Variants in IGSF10 observed in about 807,000 individuals in gnomAD.
IGSF10 encodes the protein immunoglobulin superfamily member 10, also known as calvaria mechanical force protein 608.
IGSF10 carries 126 observed loss-of-function variants against 128.2 expected under a neutral mutation model. The observed-to-expected ratio is 0.98, with a 90% CI of 0.85 to 1.14. The LOEUF (loss-of-function observed/expected upper bound fraction) is 1.14, where lower values mean the gene tolerates loss of function less well. IGSF10 is among the 50% of genes most tolerant of loss of function. The pLI is 0.00. For missense variants in IGSF10, 3,295 were observed against 3,149.8 expected (o/e 1.05, Z -1.10); for synonymous variants, 1,185 against 1,146.2 (o/e 1.03, Z -0.68).
chr3:151,570,288 T>C, the IGSF10 span, among the ~76,000 whole-genome samples: 4 of 152,208 alleles, frequency 2.6e-5, no homozygotes, highest in African/African-American at 9.6e-5. Context: ...TTTCTAGTTC[T>C]AGATCCCTGA....
At chr3:151,507,626 C>T in the IGSF10 span, among the ~76,000 whole-genome samples, 6 of 151,948 alleles carry the variant, frequency 3.9e-5, no homozygotes, top group South Asian at 2.1e-4. Context: ...ATGGCAGGAA[C>T]GAGACAAGCA....
At position 151,458,705 on chromosome 3, in the gene IGSF10, T is replaced by C. The variant is rs1235101874; in HGVS notation, c.5A>G (p.Lys2Arg). The change falls in exon 3 of 8, where the codon AAG (lysine) becomes AGG (arginine). Residue 2 changes from lysine (K) to arginine (R), a missense_variant. Lys to Arg is a conservative substitution (Grantham distance 26). Coordinates refer to ENST00000282466, the MANE Select transcript of IGSF10 (RefSeq NM_178822.5). M[K>R]VKGRGITCLL... The stretch of plus-strand genomic sequence containing the variant: ...GCAGGTGATTCCTCTGCCTTTTACC[T>C]TCATCCTGAAAAAACATCATACCTC... 1.9e-6 allele frequency: 3 copies of C among 1,610,956 alleles called. No homozygotes were observed. In the Admixed American group the frequency reaches 5.1e-5, roughly 27 times the overall value.
chr3:151,453,792 G>C lies in IGSF10; in HGVS notation c.325-18C>G. ...TTTAAGACCTATGAATTAAAAAAAA[G>C]AACATATTTATGTTGTCAAAGGAAT... On this transcript the variant is annotated intron_variant, in intron 4 of 7. Transcript: ENST00000282466. 7.1e-7 allele frequency: 1 copy of C among 1,411,940 alleles called. No individual in the cohort carries two copies. The highest frequency in any genetic ancestry group is 1.8e-4 in the Middle Eastern group (1 of 5,432). 87.5% of individuals were successfully genotyped at this position (1,411,940 alleles called of 1,614,324 possible). A position where few individuals can be genotyped will look rare whatever the true frequency, so the allele number is the denominator to read the frequency against.
chr3:151,437,366 A>AAAT lies in IGSF10; in HGVS notation c.7192_7194dup (p.Ile2398dup). The AAAT allele has an allele frequency of 1.2e-6, 2 of 1,614,206 alleles. No homozygotes were observed. Among genetic ancestry groups the AAAT allele is most frequent in the Non-Finnish European group, 1.7e-6 (2 of 1,180,030 alleles). ...CCTGCATCCTCCCGAGTTGTTTTAG[A>AAAT]AATGATAAAAGAACCATTGCTTGCT... On this transcript the variant is annotated inframe_insertion, in exon 8 of 8. Coordinates refer to ENST00000282466, the MANE Select transcript of IGSF10 (RefSeq NM_178822.5).
chr3:151,485,459 A>G, the IGSF10 span, among the ~76,000 whole-genome samples: 1 of 152,214 alleles, frequency 6.6e-6, no homozygotes, highest in African/African-American at 2.4e-5. Context: ...AACACCACAA[A>G]GATACTCCTT....
the IGSF10 span, among the ~76,000 whole-genome samples, chr3:151,550,995 TG>T: frequency 6.6e-6 from 1 of 152,170 alleles, no homozygotes; most frequent in East Asian, 1.9e-4. Context: ...TGGACTTACC[TG>T]GGCCAGTCCT....
the IGSF10 span, among the ~76,000 whole-genome samples, chr3:151,525,946 A>C: frequency 1.0e-3 from 159 of 152,226 alleles, 1 homozygote; most frequent in African/African-American, 3.6e-3. Flanking sequence ...ACCCACACTC[A>C]AGGGGAGGGG....
At chr3:151,451,994 G>C (rs1423219117) in intron 5 of IGSF10, among the ~76,000 whole-genome samples, 1 of 152,154 alleles carries the variant, frequency 6.6e-6, no homozygotes, top group African/African-American at 2.4e-5. Context: ...CAGTGCAAAA[G>C]GATTGCCTAC....
the IGSF10 span, among the ~76,000 whole-genome samples, chr3:151,524,270 A>G: frequency 4.6e-5 from 7 of 152,126 alleles, no homozygotes; most frequent in Middle Eastern, 3.2e-3. Flanking sequence ...CCAGCAGTCT[A>G]TTACTGGGCA....
At chr3:151,507,879 G>T in the IGSF10 span, among the ~76,000 whole-genome samples, 3 of 151,946 alleles carry the variant, frequency 2.0e-5, no homozygotes, top group African/African-American at 7.3e-5. Context: ...TTTTTATATG[G>T]TATAAAGAAA....
the IGSF10 span, among the ~76,000 whole-genome samples, chr3:151,477,649 C>A: frequency 6.6e-6 from 1 of 152,282 alleles, no homozygotes; most frequent in Non-Finnish European, 1.5e-5. Flanking sequence ...AAATCACCGA[C>A]CATCATAGAG....
intron 6 of IGSF10, 85 bp from the exon 7 acceptor site, chr3:151,443,969 G>A: frequency 1.9e-6 from 2 of 1,066,668 alleles, no homozygotes; most frequent in Non-Finnish European, 1.3e-6. Flanking sequence ...GGGCTACTAA[G>A]AATACATTTA....
chr3:151,508,692 C>A, the IGSF10 span, among the ~76,000 whole-genome samples: 1 of 152,096 alleles, frequency 6.6e-6, no homozygotes, highest in Non-Finnish European at 1.5e-5. Context: ...GAAATTAAGT[C>A]TTTTCTGACC....
At chr3:151,495,545 A>G in the IGSF10 span, among the ~76,000 whole-genome samples, 1 of 150,704 alleles carries the variant, frequency 6.6e-6, no homozygotes, top group African/African-American at 2.5e-5. Context: ...AAAAATTAAG[A>G]ACGACAAATA....
chr3:151,465,041 C>T (rs1722232693), upstream of IGSF10, among the ~76,000 whole-genome samples: 1 of 152,096 alleles, frequency 6.6e-6, no homozygotes, highest in Admixed American at 6.5e-5. Flanking sequence ...CTTATAAGTC[C>T]ATGGACTCTG....
downstream of IGSF10, chr3:151,433,106 C>G (rs1719712697): frequency 7.2e-6 from 2 of 276,986 alleles, no homozygotes; most frequent in Non-Finnish European, 1.4e-5. Context: ...TTTTGAATCT[C>G]ACATTTCTAG....
chr3:151,525,139 C>T, the IGSF10 span, among the ~76,000 whole-genome samples: 2 of 149,844 alleles, frequency 1.3e-5, no homozygotes, highest in African/African-American at 2.5e-5. Flanking sequence ...GATCCTTCCA[C>T]CTCAGCCTTC....
chr3:151,566,311 G>GA, the IGSF10 span, among the ~76,000 whole-genome samples: 1 of 151,818 alleles, frequency 6.6e-6, no homozygotes, highest in Non-Finnish European at 1.5e-5. Flanking sequence ...AGTGCATAAG[G>GA]TCTCCTCTGC....
chr3:151,497,315 C>A, the IGSF10 span, among the ~76,000 whole-genome samples: 8 of 152,150 alleles, frequency 5.3e-5, no homozygotes, highest in African/African-American at 1.7e-4. Flanking sequence ...TTAGGTCTAA[C>A]TTTTAAGTCT....
Sources: gnomAD v4.1 joint callset for allele counts (sites outside exome capture counted in the v4.1 genomes callset) on GRCh38, gnomAD v4.1.1 for gene constraint, MANE v1.5 for transcripts, NCBI Gene and HGNC (gene_info 2026-07-23, HGNC 2026-07-21) for gene names.